Variants in INO80 observed in about 807,000 individuals in gnomAD.
The protein encoded by INO80 is chromatin-remodeling ATPase INO80.
Under a neutral mutation model 203.4 loss-of-function variants are expected in INO80, and 20 were observed. The observed-to-expected ratio is 0.10, with a 90% CI of 0.07 to 0.14. The LOEUF is 0.14. Ranked by LOEUF, INO80 falls within the 10% of genes least tolerant of loss-of-function variation. The pLI is 1.00. For synonymous variants in INO80, 726 were observed against 685.2 expected (o/e 1.06, Z -0.93); for missense variants, 1,419 against 1,914.4 (o/e 0.74, Z 4.83).
intron 29 of INO80, among the ~76,000 whole-genome samples, chr15:40,989,256 T>G (rs944749214): frequency 3.3e-5 from 5 of 152,250 alleles, no homozygotes; most frequent in African/African-American, 4.8e-5. Context: ...AACAGTCATT[T>G]ACTAGCCCAT....
At position 40,994,071 on chromosome 15, in the gene INO80, CA is replaced by C. The variant is rs1480110271; in HGVS notation, c.3570+3457del. ...TGATCTGCTTCTGCAATAGCCATCT[CA>C]TACTACTCTCCCCATAGTTGATTCT... On this transcript the variant is annotated intron_variant, in intron 29 of 35. Coordinates refer to ENST00000648947, the MANE Select transcript of INO80 (RefSeq NM_017553.3). Among the ~76,000 whole-genome samples, 5 of 152,324 alleles carry C rather than the reference CA, an allele frequency of 3.3e-5. No individual in the cohort carries two copies. The South Asian group carries it at 8.3e-4, about 25-fold the overall frequency.
intron 1 of INO80, among the ~76,000 whole-genome samples, chr15:41,109,627 T>C (rs1479909032): frequency 2.0e-5 from 3 of 151,200 alleles, no homozygotes; most frequent in African/African-American, 4.9e-5. Context: ...TGAAACCCTA[T>C]CTTACTAAAA....
At position 41,056,717 on chromosome 15, in the gene INO80, A is replaced by G; in HGVS notation, c.1986-11T>C. On this transcript the variant is annotated splice_polypyrimidine_tract_variant and intron_variant, in intron 16 of 35. Coordinates refer to ENST00000648947, the MANE Select transcript of INO80 (RefSeq NM_017553.3). Reference sequence around the variant, plus strand: ...ATCTTCCAACGAACACTGTTTGATAAAATAAGTTACAAATTCATGTTAGCA... The same window carrying G: ...ATCTTCCAACGAACACTGTTTGATAGAATAAGTTACAAATTCATGTTAGCA... 6.2e-7 allele frequency: 1 copy of G among 1,609,550 alleles called. No individual in the cohort carries two copies. The highest frequency in any genetic ancestry group is 8.5e-7 in the Non-Finnish European group (1 of 1,176,008).
chr15:41,066,716 G>C (rs901569036), intron 14 of INO80, among the ~76,000 whole-genome samples: 1 of 151,466 alleles, frequency 6.6e-6, no homozygotes, highest in Non-Finnish European at 1.5e-5. Context: ...GGTAGTCCTA[G>C]CTACTTGGGA....
At chr15:41,080,957 C>T in intron 8 of INO80, 63 bp downstream of exon 8, 1 of 1,055,124 alleles carries the variant, frequency 9.5e-7, no homozygotes, top group African/African-American at 1.6e-5. Context: ...CAAGATGGAC[C>T]CCAAAGAAGA....
chr15:41,084,980 A>C (rs1376094467), intron 7 of INO80, among the ~76,000 whole-genome samples: 1 of 152,138 alleles, frequency 6.6e-6, no homozygotes, highest in African/African-American at 2.4e-5. Flanking sequence ...CAAGCGATCT[A>C]CCCACCTCAG....
intron 1 of INO80, among the ~76,000 whole-genome samples, chr15:41,112,805 A>C (rs1044488356): frequency 7.9e-5 from 12 of 151,370 alleles, no homozygotes; most frequent in South Asian, 2.1e-4. Flanking sequence ...AAAAAAAAAA[A>C]AAAAAAAACT....
rs1323107967 is a variant in INO80 at position 41,058,701 on chromosome 15, G to A, written c.1923C>T (p.Phe641=). 1 of 1,613,740 alleles carries A rather than the reference G, an allele frequency of 6.2e-7. No homozygotes were observed. The highest frequency in any genetic ancestry group is 1.3e-5 in the African/African-American group (1 of 74,830). Residue 641 remains phenylalanine (F), a synonymous_variant, in exon 16 of 36, where the codon TTC becomes TTT. Coordinates refer to ENST00000648947, the MANE Select transcript of INO80 (RefSeq NM_017553.3). ...YQLVVQDVKY[F]QRVKWQYMVL... ...CCATGTATTGCCACTTGACCCGCTG[G>A]AAATACTTTACATCCTGCACCACCA...
intron 1 of INO80, among the ~76,000 whole-genome samples, chr15:41,102,433 C>T (rs1044103888): frequency 1.3e-5 from 2 of 151,994 alleles, no homozygotes; most frequent in Non-Finnish European, 2.9e-5. Flanking sequence ...TTTGGGAGGC[C>T]GAGGCGGGCA....
chr15:40,991,856 C>T (rs1014761874), intron 29 of INO80, among the ~76,000 whole-genome samples: 1 of 152,038 alleles, frequency 6.6e-6, no homozygotes, highest in African/African-American at 2.4e-5. Flanking sequence ...TCACTGCAAG[C>T]TCCGCCTCCC....
intron 1 of INO80, among the ~76,000 whole-genome samples, chr15:41,111,431 C>T (rs911342646): frequency 2.7e-5 from 4 of 150,778 alleles, no homozygotes; most frequent in Non-Finnish European, 5.9e-5. Flanking sequence ...GGCGAGAGAG[C>T]GAGACTCCGT....
chr15:41,039,913 T>C (rs770666043), intron 24 of INO80, among the ~76,000 whole-genome samples: 9 of 152,210 alleles, frequency 5.9e-5, no homozygotes, highest in African/African-American at 2.2e-4. Context: ...TGTGAATACA[T>C]GTATATAATT....
chr15:41,106,986 G>C (rs1396986537), intron 1 of INO80, among the ~76,000 whole-genome samples: 2 of 152,086 alleles, frequency 1.3e-5, no homozygotes, highest in Non-Finnish European at 2.9e-5. Context: ...CTGCCCCTTC[G>C]GAATGTAACT....
chr15:40,985,106 C>T (rs1893970709), intron 32 of INO80, among the ~76,000 whole-genome samples: 1 of 152,014 alleles, frequency 6.6e-6, no homozygotes, highest in Non-Finnish European at 1.5e-5. Context: ...AAATGGTTTC[C>T]ATAATTAAAC....
chr15:41,092,524 T>C (rs909054007), intron 4 of INO80, among the ~76,000 whole-genome samples: 3 of 151,776 alleles, frequency 2.0e-5, no homozygotes, highest in African/African-American at 7.3e-5. Flanking sequence ...CAACTACCTA[T>C]AGGGTATAAA....
At chr15:41,062,969 A>T (rs1320227701) in intron 14 of INO80, among the ~76,000 whole-genome samples, 1 of 152,246 alleles carries the variant, frequency 6.6e-6, no homozygotes, top group Admixed American at 6.5e-5. Flanking sequence ...CCAAAAGGAC[A>T]TAAGAAAGGA....
chr15:41,021,593 G>A (rs962737990), intron 25 of INO80, among the ~76,000 whole-genome samples: 5 of 152,178 alleles, frequency 3.3e-5, no homozygotes, highest in African/African-American at 9.7e-5. Context: ...TGCTTTTGTG[G>A]CAAAGCTCCC....
intron 26 of INO80, chr15:41,017,745 T>C (rs1192242360): frequency 6.6e-6 from 1 of 152,364 alleles, no homozygotes; most frequent in African/African-American, 2.4e-5. Flanking sequence ...TGCCAGGCCA[T>C]GTCTCCTTCC....
intron 24 of INO80, among the ~76,000 whole-genome samples, chr15:41,038,718 A>C (rs1255136977): frequency 6.6e-6 from 1 of 152,124 alleles, no homozygotes; most frequent in Non-Finnish European, 1.5e-5. Context: ...GGTCTTTAGT[A>C]CCTGACACTT....
Sources: gnomAD v4.1 joint callset for allele counts (sites outside exome capture counted in the v4.1 genomes callset) on GRCh38, gnomAD v4.1.1 for gene constraint, MANE v1.5 for transcripts, NCBI Gene and HGNC (gene_info 2026-07-23, HGNC 2026-07-21) for gene names.